Variants in NRG1 observed in about 807,000 individuals in gnomAD.
The protein encoded by NRG1 is neuregulin 1, also known as pro-neuregulin-1, membrane-bound isoform.
Under a neutral mutation model 63.8 loss-of-function variants are expected in NRG1, and 18 were observed. The ratio of observed to expected loss-of-function variants is 0.28; its 90% confidence interval spans 0.19 to 0.42. NRG1 has a LOEUF of 0.42. NRG1 is among the 10% of genes least tolerant of loss of function. NRG1 has a pLI of 1.00. For missense variants in NRG1, 762 were observed against 814.7 expected (o/e 0.94, Z 0.79); for synonymous variants, 302 against 301.3 (o/e 1.00, Z -0.02).
chr8:32,121,687 A>G (rs1279599303), intron 1 of NRG1, among the ~76,000 whole-genome samples: 1 of 151,954 alleles, frequency 6.6e-6, no homozygotes, highest in Non-Finnish European at 1.5e-5. Flanking sequence ...TGAGACCGTA[A>G]TAAGAACAAT....
intron 5 of NRG1, among the ~76,000 whole-genome samples, chr8:32,702,052 C>A (rs1035289006): frequency 1.3e-5 from 2 of 152,136 alleles, no homozygotes; most frequent in Non-Finnish European, 2.9e-5. Context: ...AACTTCTCAT[C>A]TTTGAGACTT....
chr8:32,181,156 A>T (rs1182878212), intron 1 of NRG1, among the ~76,000 whole-genome samples: 1 of 152,216 alleles, frequency 6.6e-6, no homozygotes, highest in Admixed American at 6.6e-5. Flanking sequence ...TTATGGTCCA[A>T]GCCCTTGGAT....
intron 1 of NRG1, among the ~76,000 whole-genome samples, chr8:32,486,870 T>C (rs1825963778): frequency 6.6e-6 from 1 of 151,972 alleles, no homozygotes; most frequent in South Asian, 2.1e-4. Flanking sequence ...AGCAATTCAC[T>C]TGCCACAGCC....
At chr8:32,216,150 T>C (rs567863649) in intron 1 of NRG1, among the ~76,000 whole-genome samples, 53 of 150,856 alleles carry the variant, frequency 3.5e-4, no homozygotes, top group African/African-American at 1.3e-3. Context: ...TATATTAGAA[T>C]TAATATTTCT....
intron 1 of NRG1, among the ~76,000 whole-genome samples, chr8:31,688,292 C>T (rs191631122): frequency 2.6e-5 from 4 of 152,198 alleles, no homozygotes; most frequent in Admixed American, 2.0e-4. Flanking sequence ...GGGTAAGGCT[C>T]TCATGATTGG....
intron 1 of NRG1, among the ~76,000 whole-genome samples, chr8:31,813,516 C>CTTTTCTTTTCTTTTCTT: frequency 0.026 from 2,642 of 101,120 alleles, 45 homozygotes; most frequent in Non-Finnish European, 0.037. Context: ...CTTTTCTTTT[C>CTTTTCTTTTCTTTTCTT]TTTTTTTTTT....
intron 1 of NRG1, among the ~76,000 whole-genome samples, chr8:32,550,907 A>G (rs1308633273): frequency 6.6e-6 from 1 of 152,132 alleles, no homozygotes; most frequent in Non-Finnish European, 1.5e-5. Flanking sequence ...ACCAGATTAT[A>G]ATCTTTTTTG....
At chr8:32,450,307 G>A (rs1002077615) in intron 1 of NRG1, among the ~76,000 whole-genome samples, 6 of 152,142 alleles carry the variant, frequency 3.9e-5, no homozygotes, top group African/African-American at 1.4e-4. Flanking sequence ...GGGAGGCTGA[G>A]GTGAGACCAT....
chr8:31,796,570 C>G (rs1276767545), intron 1 of NRG1, among the ~76,000 whole-genome samples: 1 of 151,498 alleles, frequency 6.6e-6, no homozygotes, highest in African/African-American at 2.4e-5. Context: ...GTAGCTGGGA[C>G]GACAGGCTCC....
chr8:31,698,376 T>G (rs1810303429), intron 1 of NRG1, among the ~76,000 whole-genome samples: 1 of 152,100 alleles, frequency 6.6e-6, no homozygotes, highest in African/African-American at 2.4e-5. Flanking sequence ...GAAGGGTGTG[T>G]TTTTAGCTAG....
chr8:31,679,631 T>C (rs1207795024), intron 1 of NRG1, among the ~76,000 whole-genome samples: 2 of 152,150 alleles, frequency 1.3e-5, no homozygotes, highest in African/African-American at 2.4e-5. Context: ...GTATTCTTTT[T>C]TAAGATTACA....
chr8:31,915,386 C>T (rs541325831), intron 1 of NRG1, among the ~76,000 whole-genome samples: 6 of 152,178 alleles, frequency 3.9e-5, no homozygotes, highest in Admixed American at 3.9e-4. Flanking sequence ...CTGGTACATG[C>T]CTCTTTACTT....
chr8:32,338,805 A>G (rs1257743228), intron 1 of NRG1, among the ~76,000 whole-genome samples: 1 of 152,112 alleles, frequency 6.6e-6, no homozygotes, highest in African/African-American at 2.4e-5. Context: ...CTAGGTATCC[A>G]CTCTGTATAC....
intron 1 of NRG1, among the ~76,000 whole-genome samples, chr8:32,419,168 T>A (rs192399014): frequency 7.7e-4 from 117 of 152,318 alleles, no homozygotes; most frequent in Non-Finnish European, 2.6e-4. Context: ...AAACGCTAAA[T>A]AATGGAATTA....
At chr8:32,476,520 T>A (rs1824538582) in intron 1 of NRG1, among the ~76,000 whole-genome samples, 1 of 152,204 alleles carries the variant, frequency 6.6e-6, no homozygotes, top group African/African-American at 2.4e-5. Flanking sequence ...ATGAACATAA[T>A]CTTTTATGGG....
At chr8:31,741,504 A>T (rs978118775) in intron 1 of NRG1, among the ~76,000 whole-genome samples, 7 of 152,180 alleles carry the variant, frequency 4.6e-5, no homozygotes, top group African/African-American at 1.7e-4. Flanking sequence ...AATATCCAGA[A>T]TACATAAGGA....
rs561600677 is a variant in NRG1 at position 32,190,062 on chromosome 8, G to A, written c.38-405766G>A. Among the ~76,000 whole-genome samples the A allele has an allele frequency of 1.2e-4, 19 of 152,164 alleles. No homozygotes were observed. The South Asian group carries it at 3.3e-3, about 27-fold the overall frequency. ...TTGGGAAGAATACAGTAATTTATTTGAATAAACATTTGTCAACATTGTTTA... is the reference window on the plus strand; with the variant it reads ...TTGGGAAGAATACAGTAATTTATTTAAATAAACATTTGTCAACATTGTTTA... On this transcript the variant is annotated intron_variant, in intron 1 of 10. Coordinates refer to the NRG1 transcript ENST00000519301.
intron 1 of NRG1, among the ~76,000 whole-genome samples, chr8:31,774,247 T>C (rs545796783): frequency 2.6e-5 from 4 of 152,278 alleles, no homozygotes; most frequent in African/African-American, 9.6e-5. Flanking sequence ...GATTTTTGCC[T>C]GACTCCCCTA....
chr8:31,654,991 A>G (rs1585431231), intron 1 of NRG1, among the ~76,000 whole-genome samples: 1 of 152,188 alleles, frequency 6.6e-6, no homozygotes, highest in African/African-American at 2.4e-5. Flanking sequence ...ATCCATTTGC[A>G]TAGCCTCCAA....
Sources: allele counts gnomAD v4.1 joint callset (sites outside exome capture counted in the v4.1 genomes callset), GRCh38; gene constraint gnomAD v4.1.1; transcripts MANE v1.5; gene names NCBI Gene and HGNC (gene_info 2026-07-23, HGNC 2026-07-21).